Variants in TMEM132D observed in about 807,000 individuals in gnomAD.
TMEM132D encodes transmembrane protein 132D, also known as mature OL transmembrane protein.
TMEM132D carries 21 observed loss-of-function variants against 62.3 expected under a neutral mutation model. That is an observed-to-expected ratio of 0.34 (90% CI 0.24 to 0.49). The LOEUF is 0.49. Ranked by LOEUF, TMEM132D falls within the 20% of genes least tolerant of loss-of-function variation. TMEM132D has a pLI of 0.99. For missense variants in TMEM132D, 1,346 were observed against 1,402.8 expected (o/e 0.96, Z 0.65); for synonymous variants, 621 against 575.6 (o/e 1.08, Z -1.13).
intron 4 of TMEM132D, among the ~76,000 whole-genome samples, chr12:129,301,306 C>T (rs192306963): frequency 1.6e-3 from 239 of 152,110 alleles, no homozygotes; most frequent in African/African-American, 5.6e-3. Context: ...TGTCTGAATC[C>T]CCCTTCAGGA....
At chr12:129,106,834 T>C (rs565904360) in intron 5 of TMEM132D, among the ~76,000 whole-genome samples, 1 of 152,294 alleles carries the variant, frequency 6.6e-6, no homozygotes, top group South Asian at 2.1e-4. Context: ...AGGCCCATGA[T>C]GTAGGTGCCT....
chr12:129,184,666 C>A (rs918762670), intron 5 of TMEM132D, among the ~76,000 whole-genome samples: 1 of 152,220 alleles, frequency 6.6e-6, no homozygotes, highest in African/African-American at 2.4e-5. Flanking sequence ...ATACAACTTG[C>A]GCTCTGGCGC....
intron 4 of TMEM132D, among the ~76,000 whole-genome samples, chr12:129,261,328 T>A (rs1880545281): frequency 6.6e-6 from 1 of 152,188 alleles, no homozygotes; most frequent in South Asian, 2.1e-4. Flanking sequence ...GGGGGTGGGT[T>A]TCCCTGTGCT....
intron 3 of TMEM132D, among the ~76,000 whole-genome samples, chr12:129,401,794 T>C (rs7976642): frequency 0.99 from 150,393 of 152,150 alleles, 74,350 homozygotes; most frequent in Middle Eastern, 1. Context: ...CTCCTCAACC[T>C]CCACCTCTGT....
chr12:129,309,257 A>AT, intron 4 of TMEM132D, among the ~76,000 whole-genome samples: 1 of 152,042 alleles, frequency 6.6e-6, no homozygotes, highest in African/African-American at 2.4e-5. Flanking sequence ...AGTTTAGTTG[A>AT]TTTTTCATGT....
chr12:129,530,122 AT>A (rs766337489), intron 3 of TMEM132D, among the ~76,000 whole-genome samples: 48 of 152,182 alleles, frequency 3.2e-4, no homozygotes, highest in Non-Finnish European at 6.2e-4. Context: ...AAGAATCCAA[AT>A]CAAATCATCC....
rs1443591015 is a variant in TMEM132D at position 129,707,985 on chromosome 12, A to G, written c.80-7287T>C. Among the ~76,000 whole-genome samples the G allele has an allele frequency of 2.0e-5, 3 of 152,182 alleles. No homozygotes were observed. In the East Asian group the frequency reaches 5.8e-4, roughly 29 times the overall value. On this transcript the variant is annotated intron_variant, in intron 1 of 8. Coordinates refer to ENST00000422113, the MANE Select transcript of TMEM132D (RefSeq NM_133448.3). ...TAATCCCAGCACTTTGGGAGGCCAA[A>G]GCAAGCAGATCACTTGAGGTCCAGA...
intron 1 of TMEM132D, among the ~76,000 whole-genome samples, chr12:129,706,785 C>T (rs1881516734): frequency 6.6e-6 from 1 of 151,716 alleles, no homozygotes; most frequent in Admixed American, 6.6e-5. Flanking sequence ...AATATAATTT[C>T]ATAAAAACTA....
At chr12:129,524,901 A>G (rs1312284622) in intron 3 of TMEM132D, among the ~76,000 whole-genome samples, 1 of 130,034 alleles carries the variant, frequency 7.7e-6, no homozygotes, top group Non-Finnish European at 1.6e-5. Context: ...AAAACATTTT[A>G]TTATTTTCAT....
intron 3 of TMEM132D, among the ~76,000 whole-genome samples, chr12:129,497,807 A>C (rs977706224): frequency 1.3e-5 from 2 of 152,066 alleles, no homozygotes; most frequent in Admixed American, 6.6e-5. Context: ...CTACAGGTGC[A>C]CACTACCATG....
chr12:129,257,212 T>TTTC (rs1880430027), intron 4 of TMEM132D, among the ~76,000 whole-genome samples: 1 of 149,124 alleles, frequency 6.7e-6, no homozygotes, highest in African/African-American at 2.5e-5. Context: ...TTCTTTTTTT[T>TTTC]TTTTTTTTTT....
intron 4 of TMEM132D, among the ~76,000 whole-genome samples, chr12:129,225,991 A>C (rs1879470919): frequency 6.6e-6 from 1 of 152,190 alleles, no homozygotes; most frequent in Admixed American, 6.5e-5. Context: ...GTGCTCAGCC[A>C]ATGAACAATA....
At chr12:129,392,451 G>A (rs1286048570) in intron 3 of TMEM132D, among the ~76,000 whole-genome samples, 3 of 152,198 alleles carry the variant, frequency 2.0e-5, no homozygotes, top group Admixed American at 6.5e-5. Flanking sequence ...TCTGCACACT[G>A]GAGACCTTTC....
intron 4 of TMEM132D, among the ~76,000 whole-genome samples, chr12:129,322,730 T>C (rs549329239): frequency 6.6e-6 from 1 of 152,272 alleles, no homozygotes; most frequent in South Asian, 2.1e-4. Context: ...AACTTTTCTG[T>C]TTTTCAAAGA....
intron 2 of TMEM132D, among the ~76,000 whole-genome samples, chr12:129,547,899 C>A (rs899764088): frequency 6.6e-6 from 1 of 152,140 alleles, no homozygotes; most frequent in African/African-American, 2.4e-5. Flanking sequence ...TAGTGGGCGG[C>A]CGACTCCAGG....
chr12:129,701,257 C>T (rs561927854), intron 1 of TMEM132D, among the ~76,000 whole-genome samples: 1 of 152,316 alleles, frequency 6.6e-6, no homozygotes, highest in African/African-American at 2.4e-5. Context: ...TGCTAACAGA[C>T]TTGGGGCAAA....
intron 5 of TMEM132D, among the ~76,000 whole-genome samples, chr12:129,189,035 A>AGCC (rs1565991908): frequency 6.6e-6 from 1 of 152,178 alleles, no homozygotes; most frequent in Admixed American, 6.5e-5. Flanking sequence ...TTACTGGTCA[A>AGCC]CAAGGTCAAC....
chr12:129,614,723 A>G (rs1047870086), intron 2 of TMEM132D, among the ~76,000 whole-genome samples: 9 of 152,152 alleles, frequency 5.9e-5, no homozygotes, highest in African/African-American at 2.2e-4. Flanking sequence ...ACCCACACAC[A>G]CACGCCCCGC....
At chr12:129,604,722 C>G (rs150113613) in intron 2 of TMEM132D, among the ~76,000 whole-genome samples, 1 of 152,184 alleles carries the variant, frequency 6.6e-6, no homozygotes, top group South Asian at 2.1e-4. Context: ...ATGCCTGAAG[C>G]ATTATCATAC....
Sources: gnomAD v4.1 joint callset for allele counts (sites outside exome capture counted in the v4.1 genomes callset) on GRCh38, gnomAD v4.1.1 for gene constraint, MANE v1.5 for transcripts, NCBI Gene and HGNC (gene_info 2026-07-23, HGNC 2026-07-21) for gene names.